The following CSMD1 variants were observed in gnomAD, a reference collection of about 807,000 sequenced individuals.
CSMD1 encodes the protein CUB and Sushi multiple domains 1.
In CSMD1, 213 loss-of-function variants were observed where a neutral mutation model predicts 417.5. The observed-to-expected ratio is 0.51, with a 90% confidence interval of 0.46 to 0.57. The LOEUF is 0.57. Among genes scored for constraint, CSMD1 ranks in the 20% least tolerant of loss-of-function variants. The probability of loss-of-function intolerance (pLI) is 0.00; values close to 1 mark genes in which losing one functional copy is unlikely to be tolerated. For missense variants in CSMD1, 6,923 were observed against 4,529.7 expected (o/e 1.53, Z -15.17); for synonymous variants, 2,862 against 1,736.8 (o/e 1.65, Z -16.11).
At chr8:3,633,952 G>A (rs1377579881) in intron 7 of CSMD1, among the ~76,000 whole-genome samples, 2 of 151,628 alleles carry the variant, frequency 1.3e-5, no homozygotes, top group South Asian at 2.1e-4. Context: ...ATTTCAAGTG[G>A]ATTCAGTATG....
At chr8:4,732,042 C>G (rs293886) in intron 1 of CSMD1, among the ~76,000 whole-genome samples, 54,026 of 151,920 alleles carry the variant, frequency 0.36, 10,571 homozygotes, top group East Asian at 0.55. Flanking sequence ...CATGCCTCCC[C>G]CATGCCCGTA....
intron 5 of CSMD1, among the ~76,000 whole-genome samples, chr8:3,913,732 G>C (rs1374149649): frequency 2.0e-5 from 3 of 152,064 alleles, no homozygotes; most frequent in Non-Finnish European, 4.4e-5. Flanking sequence ...GGCAGGAGTG[G>C]GGAAGGAATG....
intron 6 of CSMD1, among the ~76,000 whole-genome samples, chr8:3,743,241 G>A (rs1046156441): frequency 1.3e-5 from 2 of 152,140 alleles, no homozygotes; most frequent in Non-Finnish European, 2.9e-5. Context: ...ATTTTGCTCA[G>A]GCATTGAAAT....
chr8:3,526,432 C>T (rs963308293), intron 10 of CSMD1, among the ~76,000 whole-genome samples: 5 of 152,104 alleles, frequency 3.3e-5, no homozygotes, highest in Middle Eastern at 3.4e-3. Context: ...AGTTAGTATG[C>T]AGTTTAGACA....
chr8:3,238,298 T>C (rs1799282675), intron 26 of CSMD1, among the ~76,000 whole-genome samples: 1 of 152,044 alleles, frequency 6.6e-6, no homozygotes, highest in Admixed American at 6.6e-5. Flanking sequence ...CCATTTTCAC[T>C]TCTTTTGTGG....
At chr8:4,205,500 G>C (rs566466858) in intron 3 of CSMD1, among the ~76,000 whole-genome samples, 1 of 152,152 alleles carries the variant, frequency 6.6e-6, no homozygotes, top group Non-Finnish European at 1.5e-5. Context: ...GCCACTCGAG[G>C]TAACTATCTT....
intron 3 of CSMD1, among the ~76,000 whole-genome samples, chr8:4,290,603 G>C (rs578183839): frequency 6.6e-6 from 1 of 152,182 alleles, no homozygotes; most frequent in African/African-American, 2.4e-5. Context: ...ATTTACCAAG[G>C]ACAGGTAGAT....
intron 5 of CSMD1, among the ~76,000 whole-genome samples, chr8:3,772,262 G>GTACATATATTTAT (rs1798620102): frequency 5.0e-5 from 6 of 120,266 alleles, no homozygotes; most frequent in African/African-American, 7.3e-5. Flanking sequence ...CATATATTTA[G>GTACATATATTTAT]ACATACATAT....
chr8:4,405,810 G>C (rs996126261), intron 3 of CSMD1, among the ~76,000 whole-genome samples: 4 of 152,110 alleles, frequency 2.6e-5, no homozygotes, highest in Non-Finnish European at 5.9e-5. Flanking sequence ...ACATGCCCTG[G>C]GCGGAGCAGT....
intron 1 of CSMD1, among the ~76,000 whole-genome samples, chr8:4,946,898 G>C (rs534282505): frequency 1.8e-3 from 273 of 152,010 alleles, no homozygotes; most frequent in Non-Finnish European, 2.1e-3. Flanking sequence ...GAAAATATAT[G>C]TTTCTTTTAG....
chr8:3,649,617 C>G (rs1797743631), intron 7 of CSMD1, among the ~76,000 whole-genome samples: 1 of 148,152 alleles, frequency 6.7e-6, no homozygotes, highest in Non-Finnish European at 1.5e-5. Flanking sequence ...TGAGAACTTA[C>G]TCACCATCAT....
intron 1 of CSMD1, among the ~76,000 whole-genome samples, chr8:4,893,063 G>C (rs1804230110): frequency 6.6e-6 from 1 of 152,130 alleles, no homozygotes; most frequent in Non-Finnish European, 1.5e-5. Flanking sequence ...TGAGGGCTGT[G>C]TCGATTATCC....
chr8:3,186,480 T>G (rs888381612), intron 36 of CSMD1, among the ~76,000 whole-genome samples: 9 of 152,194 alleles, frequency 5.9e-5, no homozygotes, highest in Non-Finnish European at 1.3e-4. Flanking sequence ...TCCCAACACC[T>G]TAAATGGCCA....
At chr8:4,180,998 T>C (rs1365867624) in intron 3 of CSMD1, among the ~76,000 whole-genome samples, 2 of 152,162 alleles carry the variant, frequency 1.3e-5, no homozygotes, top group Non-Finnish European at 2.9e-5. Flanking sequence ...GTACCCACTA[T>C]TATGGAATAA....
At chr8:3,214,446 G>T in intron 30 of CSMD1, 51 bp downstream of exon 30, 2 of 1,407,714 alleles carry the variant, frequency 1.4e-6, no homozygotes, top group South Asian at 2.9e-5. Context: ...ATGAGATGCT[G>T]CATTTTAAAG....
At chr8:3,696,811 A>G (rs1800579647) in intron 7 of CSMD1, among the ~76,000 whole-genome samples, 1 of 152,236 alleles carries the variant, frequency 6.6e-6, no homozygotes, top group African/African-American at 2.4e-5. Context: ...TCTACTCTTT[A>G]TCATTTGAAT....
chr8:3,229,684 G>C (rs1017395109), intron 27 of CSMD1, among the ~76,000 whole-genome samples: 1 of 152,018 alleles, frequency 6.6e-6, no homozygotes, highest in African/African-American at 2.4e-5. Flanking sequence ...TTTGCTTAAG[G>C]GCATGTTTCT....
At chr8:4,510,931 G>A (rs545835559) in intron 2 of CSMD1, among the ~76,000 whole-genome samples, 6 of 134,580 alleles carry the variant, frequency 4.5e-5, no homozygotes, top group African/African-American at 8.4e-5. Flanking sequence ...CTCCTTCTCC[G>A]TTCCCGTTCC....
At chr8:4,386,067 C>T (rs977703646) in intron 3 of CSMD1, among the ~76,000 whole-genome samples, 12 of 152,292 alleles carry the variant, frequency 7.9e-5, no homozygotes. Flanking sequence ...CTCTGTGATA[C>T]CTTCTTGTGT....
Sources: allele counts gnomAD v4.1 joint callset (sites outside exome capture counted in the v4.1 genomes callset), GRCh38; gene constraint gnomAD v4.1.1; transcripts MANE v1.5; gene names NCBI Gene and HGNC (gene_info 2026-07-23, HGNC 2026-07-21).